HS3ST2: variants seen among roughly 807,000 people sequenced by gnomAD.
HS3ST2 encodes heparan sulfate-glucosamine 3-sulfotransferase 2.
A neutral mutation model predicts 26.3 loss-of-function variants in HS3ST2; 17 were observed. That is an observed-to-expected ratio of 0.65 (90% CI 0.44 to 0.97). The LOEUF (loss-of-function observed/expected upper bound fraction) is 0.97, where lower values mean the gene tolerates loss of function less well. Among genes scored for constraint, HS3ST2 ranks in the 50% least tolerant of loss-of-function variants. The pLI, the probability that HS3ST2 is intolerant of heterozygous loss-of-function variation, is 0.00. For missense variants in HS3ST2, 402 were observed against 501.2 expected (o/e 0.80, Z 1.89); for synonymous variants, 237 against 219.2 (o/e 1.08, Z -0.72).
At chr16:22,818,674 T>C (rs1208819263) in intron 1 of HS3ST2, among the ~76,000 whole-genome samples, 9 of 139,854 alleles carry the variant, frequency 6.4e-5, no homozygotes, top group African/African-American at 2.7e-4. Flanking sequence ...CTTCCTTCCT[T>C]CCTCCCTCCC....
chr16:22,876,756 A>G (rs1901924845), intron 1 of HS3ST2, among the ~76,000 whole-genome samples: 1 of 152,226 alleles, frequency 6.6e-6, no homozygotes, highest in Admixed American at 6.5e-5. Flanking sequence ...ATGAGTGCAT[A>G]AAGAAAACGT....
chr16:22,849,598 G>A (rs1368942687), intron 1 of HS3ST2, among the ~76,000 whole-genome samples: 1 of 152,174 alleles, frequency 6.6e-6, no homozygotes, highest in Non-Finnish European at 1.5e-5. Context: ...GCCCCTCAGG[G>A]ACCCAGTTGA....
intron 1 of HS3ST2, among the ~76,000 whole-genome samples, chr16:22,891,833 A>G (rs1440024144): frequency 6.6e-6 from 1 of 152,144 alleles, no homozygotes; most frequent in Non-Finnish European, 1.5e-5. Flanking sequence ...GGTTGTTGCT[A>G]TAAGTTGTTT....
intron 1 of HS3ST2, among the ~76,000 whole-genome samples, chr16:22,854,985 A>G (rs1901568969): frequency 6.6e-6 from 1 of 152,184 alleles, no homozygotes; most frequent in Non-Finnish European, 1.5e-5. Context: ...GCTTTAAACT[A>G]CAATCACTTT....
At position 22,814,925 on chromosome 16, in the gene HS3ST2, C is replaced by T. The variant is rs1471323156; in HGVS notation, c.315C>T (p.Gly105=). ...GCCTCTCCGGTTCCAACCACTCCGG[C>T]TCACCCAAGCTGGGTACCAAGCGGT... ...APRLSGSNHS[G]SPKLGTKRLP... is the part of the protein sequence containing the mutation. Residue 105 remains glycine, a synonymous_variant, in exon 1 of 2, where the codon GGC becomes GGT. Coordinates refer to ENST00000261374, the MANE Select transcript of HS3ST2 (RefSeq NM_006043.2). The T allele has an allele frequency of 2.5e-6, 4 of 1,602,830 alleles. No homozygotes were observed. Among genetic ancestry groups the T allele is most frequent in the Middle Eastern group, 1.7e-4 (1 of 6,050 alleles).
chr16:22,842,981 A>T (rs1170962550), intron 1 of HS3ST2, among the ~76,000 whole-genome samples: 1 of 152,202 alleles, frequency 6.6e-6, no homozygotes, highest in African/African-American at 2.4e-5. Context: ...TATGTTAAAC[A>T]TACTTATTTT....
rs538593972 is a variant in HS3ST2, at chr16:22,875,369, AATTT to A, written c.486-39549_486-39546del. 2.6e-3 allele frequency among the ~76,000 whole-genome samples: 400 copies of A among 151,610 alleles called. 3 individuals carry two copies. The highest frequency in any genetic ancestry group is 4.1e-3 in the Non-Finnish European group (279 of 67,906). On this transcript the variant is annotated intron_variant, in intron 1 of 1. Coordinates refer to ENST00000261374, the MANE Select transcript of HS3ST2 (RefSeq NM_006043.2). The stretch of plus-strand genomic sequence containing the variant: ...TGAAGACAGAAAAATACTTTTAATA[AATTT>A]ATTTATTTATTTATTTATTTATTTA...
chr16:22,843,166 G>A (rs992794664), intron 1 of HS3ST2, among the ~76,000 whole-genome samples: 1 of 152,062 alleles, frequency 6.6e-6, no homozygotes, highest in African/African-American at 2.4e-5. Context: ...ATGTGTGTGT[G>A]TGTGTGTGTG....
intron 1 of HS3ST2, among the ~76,000 whole-genome samples, chr16:22,829,267 G>A (rs1901135446): frequency 6.6e-6 from 1 of 152,190 alleles, no homozygotes; most frequent in African/African-American, 2.4e-5. Flanking sequence ...ACATCCTTAG[G>A]GATTCTGTGG....
At chr16:22,884,310 A>G (rs987406366) in intron 1 of HS3ST2, among the ~76,000 whole-genome samples, 1 of 152,204 alleles carries the variant, frequency 6.6e-6, no homozygotes, top group Non-Finnish European at 1.5e-5. Flanking sequence ...CAAGGAATAG[A>G]CAGGTTAAAT....
chr16:22,885,333 G>GAA (rs11458203), intron 1 of HS3ST2, among the ~76,000 whole-genome samples: 2 of 149,320 alleles, frequency 1.3e-5, no homozygotes, highest in African/African-American at 4.9e-5. Flanking sequence ...GAGAGGAGGG[G>GAA]AAAAAAAAAC....
intron 1 of HS3ST2, among the ~76,000 whole-genome samples, chr16:22,830,858 CCACT>C (rs1381785286): frequency 2.6e-5 from 4 of 152,254 alleles, no homozygotes; most frequent in African/African-American, 9.6e-5. Flanking sequence ...ATATTGAGGT[CCACT>C]CATAACTTTT....
At chr16:22,823,005 T>G (rs1169412501) in intron 1 of HS3ST2, among the ~76,000 whole-genome samples, 2 of 152,244 alleles carry the variant, frequency 1.3e-5, no homozygotes, top group African/African-American at 4.8e-5. Context: ...CATAGGTACC[T>G]GTTTTTGTGT....
chr16:22,911,241 A>G (rs186816565), intron 1 of HS3ST2, among the ~76,000 whole-genome samples: 1 of 152,288 alleles, frequency 6.6e-6, no homozygotes, highest in East Asian at 1.9e-4. Flanking sequence ...GCATTATTAG[A>G]GACTGGGGAG....
At chr16:22,878,460 A>C (rs1441558248) in intron 1 of HS3ST2, among the ~76,000 whole-genome samples, 2 of 152,130 alleles carry the variant, frequency 1.3e-5, no homozygotes, top group Admixed American at 1.3e-4. Context: ...CTAAACTGAG[A>C]CTTTGTCCTT....
intron 1 of HS3ST2, among the ~76,000 whole-genome samples, chr16:22,845,770 GA>G (rs1260398888): frequency 6.6e-6 from 1 of 152,196 alleles, no homozygotes; most frequent in Non-Finnish European, 1.5e-5. Context: ...AGCAACACAA[GA>G]AGCAACTTAG....
intron 1 of HS3ST2, among the ~76,000 whole-genome samples, chr16:22,844,058 C>T (rs193288930): frequency 6.6e-6 from 1 of 152,070 alleles, no homozygotes; most frequent in African/African-American, 2.4e-5. Context: ...CATATCATAA[C>T]ACCACACGTC....
chr16:22,912,487 G>A (rs1026088773), intron 1 of HS3ST2, among the ~76,000 whole-genome samples: 3 of 152,160 alleles, frequency 2.0e-5, no homozygotes, highest in Non-Finnish European at 4.4e-5. Context: ...CAGGGCAGGC[G>A]AGCCTTGGGG....
chr16:22,907,769 TTG>T (rs1902374280), intron 1 of HS3ST2, among the ~76,000 whole-genome samples: 1 of 152,232 alleles, frequency 6.6e-6, no homozygotes, highest in Non-Finnish European at 1.5e-5. Context: ...AGTTACAGAT[TTG>T]TGTGTCAGCA....
Sources: gnomAD v4.1 joint callset for allele counts (sites outside exome capture counted in the v4.1 genomes callset) on GRCh38, gnomAD v4.1.1 for gene constraint, MANE v1.5 for transcripts, NCBI Gene and HGNC (gene_info 2026-07-23, HGNC 2026-07-21) for gene names.